CDH13: variants seen among roughly 807,000 people sequenced by gnomAD.
CDH13 encodes the protein cadherin 13.
A neutral mutation model predicts 63.8 loss-of-function variants in CDH13; 24 were observed. The observed-to-expected ratio is 0.38, with a 90% CI of 0.27 to 0.53. CDH13 has a LOEUF of 0.53. Among genes scored for constraint, CDH13 ranks in the 20% least tolerant of loss-of-function variants. The pLI is 0.85. For synonymous variants in CDH13, 503 were observed against 355.3 expected, an observed-to-expected ratio of 1.42 and a Z score of -4.67; for missense variants, 1,049 against 903.1, an observed-to-expected ratio of 1.16 and a Z score of -2.07.
At position 82,746,214 on chromosome 16, in the gene CDH13, GTTTATATATA is replaced by G. The variant is rs1419638722; in HGVS notation, c.46-112146_46-112137del. 3.1e-3 allele frequency among the ~76,000 whole-genome samples: 267 copies of G among 87,168 alleles called. 3 individuals carry two copies. The highest frequency in any genetic ancestry group is 0.013 in the South Asian group (28 of 2,090). 57.2% of individuals were successfully genotyped at this position (87,168 alleles called of 152,430 possible). On this transcript the variant is annotated intron_variant, in intron 1 of 13. Transcript: ENST00000567109. The stretch of plus-strand genomic sequence containing the variant: ...GTGTGTGTTTATATATAAACACACT[GTTTATATATA>G]TGTGTTTATATATAAACACACTGTT...
At chr16:82,758,855 G>C (rs908253725) in intron 1 of CDH13, among the ~76,000 whole-genome samples, 4 of 152,192 alleles carry the variant, frequency 2.6e-5, no homozygotes, top group African/African-American at 4.8e-5. Flanking sequence ...GCATACTTCA[G>C]TTTTCCCCTG....
intron 3 of CDH13, among the ~76,000 whole-genome samples, chr16:83,069,214 A>G (rs549658507): frequency 2.2e-4 from 33 of 152,332 alleles, no homozygotes; most frequent in Middle Eastern, 3.4e-3. Context: ...AGTGGTCTCA[A>G]TGTCATTCAG....
chr16:83,426,661 A>G (rs1226625594), intron 6 of CDH13, among the ~76,000 whole-genome samples: 1 of 152,108 alleles, frequency 6.6e-6, no homozygotes, highest in Non-Finnish European at 1.5e-5. Context: ...ACCAGCCTAC[A>G]TCATAGTCTG....
chr16:83,321,851 C>T (rs137868822), intron 5 of CDH13, among the ~76,000 whole-genome samples: 127 of 152,294 alleles, frequency 8.3e-4, no homozygotes, highest in African/African-American at 3.1e-3. Flanking sequence ...TTGTTAAACA[C>T]TTCTGTCTTA....
At chr16:82,974,205 C>G (rs907655528) in intron 2 of CDH13, among the ~76,000 whole-genome samples, 1 of 152,200 alleles carries the variant, frequency 6.6e-6, no homozygotes, top group East Asian at 1.9e-4. Context: ...TCACAAAGTG[C>G]TAGGATTACA....
intron 1 of CDH13, among the ~76,000 whole-genome samples, chr16:82,674,038 C>A (rs577762340): frequency 1.3e-5 from 2 of 152,296 alleles, no homozygotes; most frequent in African/African-American, 4.8e-5. Flanking sequence ...GGGAACAGAG[C>A]TGATTATGTT....
intron 7 of CDH13, among the ~76,000 whole-genome samples, chr16:83,498,817 T>G (rs1447895793): frequency 6.6e-6 from 1 of 152,236 alleles, no homozygotes; most frequent in African/African-American, 2.4e-5. Flanking sequence ...ACTTTCATTC[T>G]CATCAGGCCA....
At chr16:82,795,144 T>C (rs967189071) in intron 1 of CDH13, among the ~76,000 whole-genome samples, 5 of 152,232 alleles carry the variant, frequency 3.3e-5, no homozygotes, top group Non-Finnish European at 2.9e-5. Flanking sequence ...CTTTCTGCAG[T>C]TGGCTAATCC....
chr16:83,258,139 C>T (rs574688115), intron 5 of CDH13, among the ~76,000 whole-genome samples: 2 of 152,298 alleles, frequency 1.3e-5, no homozygotes, highest in East Asian at 3.9e-4. Flanking sequence ...TTCTGATTTA[C>T]ACAATAACGT....
chr16:82,818,769 C>G (rs547316916), intron 1 of CDH13, among the ~76,000 whole-genome samples: 6 of 152,192 alleles, frequency 3.9e-5, no homozygotes, highest in Non-Finnish European at 8.8e-5. Context: ...TAGGGCAAGT[C>G]TCTGTAAAGG....
At chr16:83,205,455 A>G (rs1244675200) in intron 4 of CDH13, among the ~76,000 whole-genome samples, 1 of 152,114 alleles carries the variant, frequency 6.6e-6, no homozygotes, top group Admixed American at 6.6e-5. Flanking sequence ...TGTTATGTAA[A>G]ATGAGGTTCA....
intron 1 of CDH13, among the ~76,000 whole-genome samples, chr16:82,760,926 C>T (rs1192115434): frequency 1.3e-5 from 2 of 150,848 alleles, no homozygotes; most frequent in African/African-American, 4.9e-5. Flanking sequence ...GCAGGGTTGG[C>T]AGGAAGCCAT....
chr16:83,545,493 C>A (rs914038015), intron 7 of CDH13, among the ~76,000 whole-genome samples: 1 of 152,184 alleles, frequency 6.6e-6, no homozygotes, highest in Admixed American at 6.5e-5. Context: ...CTGCACTGTC[C>A]AGAGAGGGGA....
At chr16:83,125,202 A>G (rs1415072522) in intron 3 of CDH13, among the ~76,000 whole-genome samples, 183 bp from the exon 4 acceptor site, 3 of 152,204 alleles carry the variant, frequency 2.0e-5, no homozygotes, top group African/African-American at 7.2e-5. Context: ...TATAGTGAAT[A>G]ACAATGTCAG....
At chr16:82,792,411 A>T (rs989617131) in intron 1 of CDH13, among the ~76,000 whole-genome samples, 12 of 152,066 alleles carry the variant, frequency 7.9e-5, no homozygotes, top group Admixed American at 7.2e-4. Flanking sequence ...AGCATCTGAT[A>T]AAAAAAAGAT....
intron 10 of CDH13, among the ~76,000 whole-genome samples, chr16:83,716,738 T>C (rs1908965114): frequency 6.6e-6 from 1 of 152,192 alleles, no homozygotes; most frequent in African/African-American, 2.4e-5. Context: ...CTCCTCAGCC[T>C]TCCAAAGTGC....
At chr16:83,765,676 C>G (rs915184959) in intron 11 of CDH13, among the ~76,000 whole-genome samples, 2 of 151,920 alleles carry the variant, frequency 1.3e-5, no homozygotes, top group African/African-American at 2.4e-5. Flanking sequence ...GCTTATAGAG[C>G]TGATTTGTAA....
At chr16:83,466,254 C>G (rs1425679663) in intron 6 of CDH13, among the ~76,000 whole-genome samples, 4 of 152,174 alleles carry the variant, frequency 2.6e-5, no homozygotes, top group African/African-American at 9.7e-5. Flanking sequence ...ACCCTATTAA[C>G]CTCAGTAAGG....
At chr16:82,917,821 G>A (rs11150523) in intron 2 of CDH13, among the ~76,000 whole-genome samples, 53,272 of 150,890 alleles carry the variant, frequency 0.35, 10,136 homozygotes, top group Non-Finnish European at 0.44. Flanking sequence ...AGGCTGAGGC[G>A]GGAGAATTGC....
Sources: gnomAD v4.1 joint callset for allele counts (sites outside exome capture counted in the v4.1 genomes callset) on GRCh38, gnomAD v4.1.1 for gene constraint, MANE v1.5 for transcripts, NCBI Gene and HGNC (gene_info 2026-07-23, HGNC 2026-07-21) for gene names.